Variants in KCTD20 observed in about 807,000 individuals in gnomAD.
The protein encoded by KCTD20 is potassium channel tetramerization domain containing 20.
Under a neutral mutation model 39.6 loss-of-function variants are expected in KCTD20, and 30 were observed. The ratio of observed to expected loss-of-function variants is 0.76; its 90% CI spans 0.57 to 1.03. The LOEUF (loss-of-function observed/expected upper bound fraction) is 1.03. Among genes scored for constraint, KCTD20 ranks in the 50% least tolerant of loss-of-function variants. The pLI is 0.00. For synonymous variants in KCTD20, 162 were observed against 180.6 expected (o/e 0.90, Z 0.83); for missense variants, 422 against 522.0 (o/e 0.81, Z 1.87).
Position 36,474,862 on chromosome 6 carries a change from C to G in KCTD20, c.234C>G (p.Ile78Met). The G allele has an allele frequency of 1.9e-6, 3 of 1,614,172 alleles. No homozygotes were observed. The highest frequency in any genetic ancestry group is 2.5e-6 in the Non-Finnish European group (3 of 1,180,030). The change falls in exon 3 of 8, where the codon ATC becomes ATG. Residue 78 changes from isoleucine to methionine, a missense_variant. Ile to Met is a conservative substitution (Grantham distance 10). Coordinates refer to ENST00000373731, the MANE Select transcript of KCTD20 (RefSeq NM_173562.5). ...FPHIMPLAED[I>M]KGSCFQSGNK... ...ACATAATGCCCCTTGCTGAAGACATCAAAGGTTCTTGCTTCCAAAGTGGGA... is the reference window on the plus strand; with the variant it reads ...ACATAATGCCCCTTGCTGAAGACATGAAAGGTTCTTGCTTCCAAAGTGGGA...
chr6:36,479,370 T>C (rs889133205), intron 4 of KCTD20, 147 bp downstream of exon 4: 1 of 711,000 alleles, frequency 1.4e-6, no homozygotes, highest in African/African-American at 1.8e-5. Context: ...TTCCTGTAAC[T>C]TTTAAGTCCT....
At chr6:36,466,466 C>G (rs903948168) in intron 1 of KCTD20, among the ~76,000 whole-genome samples, 1 of 151,010 alleles carries the variant, frequency 6.6e-6, no homozygotes, top group African/African-American at 2.4e-5. Flanking sequence ...ACTACAGCCT[C>G]GACCTCCTGG....
At chr6:36,452,278 G>A (rs574390116) in intron 1 of KCTD20, among the ~76,000 whole-genome samples, 1 of 152,172 alleles carries the variant, frequency 6.6e-6, no homozygotes, top group African/African-American at 2.4e-5. Flanking sequence ...TTCGTTAAAA[G>A]TGTGGGAAAA....
chr6:36,454,240 A>G (rs1163629183), intron 1 of KCTD20, among the ~76,000 whole-genome samples: 3 of 152,236 alleles, frequency 2.0e-5, no homozygotes, highest in African/African-American at 7.2e-5. Flanking sequence ...TTTGTACACA[A>G]AGTTTTATTA....
intron 7 of KCTD20, 124 bp downstream of exon 7, chr6:36,484,948 A>C: frequency 1.6e-6 from 1 of 609,456 alleles, no homozygotes; most frequent in Non-Finnish European, 3.0e-6. Context: ...ATTCTTACTC[A>C]AGTTTGAATG....
chr6:36,475,705 A>G (rs1488791684), intron 3 of KCTD20, among the ~76,000 whole-genome samples: 2 of 151,950 alleles, frequency 1.3e-5, no homozygotes, highest in African/African-American at 4.8e-5. Flanking sequence ...TTCACAGGTC[A>G]AAGATGTTGG....
At chr6:36,483,118 C>CCCAA (rs1776306061) in intron 6 of KCTD20, among the ~76,000 whole-genome samples, 1 of 108,262 alleles carries the variant, frequency 9.2e-6, no homozygotes. Context: ...GACTCCGTTT[C>CCCAA]AAAAAAAAAA....
chr6:36,463,891 A>G (rs532933245), intron 1 of KCTD20, among the ~76,000 whole-genome samples: 2 of 152,312 alleles, frequency 1.3e-5, no homozygotes, highest in Admixed American at 6.5e-5. Flanking sequence ...ATTGAGAGGG[A>G]AAAAGGGGAA....
chr6:36,468,775 C>T (rs1484291800), intron 1 of KCTD20, among the ~76,000 whole-genome samples: 9 of 152,296 alleles, frequency 5.9e-5, no homozygotes, highest in Admixed American at 2.0e-4. Flanking sequence ...AATACATTCA[C>T]TTTATTCCTT....
At chr6:36,444,256 T>C (rs892145162) in intron 1 of KCTD20, among the ~76,000 whole-genome samples, 11 of 152,226 alleles carry the variant, frequency 7.2e-5, no homozygotes, top group African/African-American at 2.7e-4. Flanking sequence ...ACCTTTAGGC[T>C]GGGCTGGGAA....
chr6:36,479,114 C>T lies in KCTD20; in HGVS notation c.435-7C>T, dbSNP rs1776156933. On this transcript the variant is annotated splice_polypyrimidine_tract_variant and splice_region_variant and intron_variant, in intron 3 of 7. Transcript: ENST00000373731. ...GAAGATAACATTATTGCCTGGATAT[C>T]TTTCAGGATGTTTGGACCAGGAAGA... 1 of 1,575,610 alleles carries T rather than the reference C, an allele frequency of 6.3e-7. No homozygotes were observed. The highest frequency in any genetic ancestry group is 1.7e-5 in the Admixed American group (1 of 59,432).
At chr6:36,464,657 G>A (rs1775690923) in intron 1 of KCTD20, among the ~76,000 whole-genome samples, 1 of 152,040 alleles carries the variant, frequency 6.6e-6, no homozygotes, top group Non-Finnish European at 1.5e-5. Flanking sequence ...GAAATTCTGG[G>A]TGTCACCAGA....
chr6:36,453,274 A>G (rs1775323634), intron 1 of KCTD20, among the ~76,000 whole-genome samples: 1 of 151,112 alleles, frequency 6.6e-6, no homozygotes, highest in South Asian at 2.1e-4. Flanking sequence ...GGCCTCCCAA[A>G]CTGCTGGGAT....
At chr6:36,475,268 A>G (rs1776030439) in intron 3 of KCTD20, among the ~76,000 whole-genome samples, 1 of 152,232 alleles carries the variant, frequency 6.6e-6, no homozygotes, top group Admixed American at 6.5e-5. Context: ...CAACATGGTG[A>G]AACCCTATCT....
chr6:36,445,512 G>A (rs2127423720), intron 1 of KCTD20, among the ~76,000 whole-genome samples: 1 of 152,166 alleles, frequency 6.6e-6, no homozygotes, highest in African/African-American at 2.4e-5. Flanking sequence ...TGATTGTTGT[G>A]TCTTCCTCTG....
chr6:36,483,256 GCTTTTTC>G (rs1776311240), intron 6 of KCTD20, among the ~76,000 whole-genome samples: 2 of 123,048 alleles, frequency 1.6e-5, no homozygotes, highest in Non-Finnish European at 3.3e-5. Context: ...CAAAACAGTG[GCTTTTTC>G]TTTTTTTTTT....
At position 36,481,545 on chromosome 6, in the gene KCTD20, A is replaced by G. The variant is rs377501316; in HGVS notation, c.659-17A>G. The G allele has an allele frequency of 3.9e-5, 62 of 1,589,578 alleles. No homozygotes were observed. Among genetic ancestry groups the G allele is most frequent in the Non-Finnish European group, 5.0e-5 (58 of 1,157,926 alleles). On this transcript the variant is annotated splice_polypyrimidine_tract_variant and intron_variant, in intron 5 of 7. Transcript: ENST00000373731. Reference sequence around the variant, plus strand: ...ATTTAGGCAGAAAGCATGTTCACCTACATTTTCTCTCTGCAGGTGCTTTAC... The same window carrying G: ...ATTTAGGCAGAAAGCATGTTCACCTGCATTTTCTCTCTGCAGGTGCTTTAC...
intron 1 of KCTD20, among the ~76,000 whole-genome samples, chr6:36,463,903 G>A (rs1017075614): frequency 1.3e-5 from 2 of 152,168 alleles, no homozygotes; most frequent in Non-Finnish European, 2.9e-5. Context: ...AAAGGGGAAG[G>A]ACAGAGACTT....
At position 36,472,535 on chromosome 6, in the gene KCTD20, A is replaced by G. The variant is rs569591730; in HGVS notation, c.161-2254A>G. On this transcript the variant is annotated intron_variant, in intron 2 of 7. Transcript: ENST00000373731. ...GAATGGGAGTAATTCAGTTGTATTG[A>G]TAACTTTTTTTTTTTCAAAAAGGGC... is the stretch of plus-strand genomic sequence containing the variant. Among the ~76,000 whole-genome samples the G allele has an allele frequency of 3.5e-5, 5 of 142,502 alleles. No homozygotes were observed. The South Asian group carries it at 8.7e-4, about 25-fold the overall frequency. The allele number at this position is 142,502 out of a possible 152,430, so 93.5% of individuals were successfully genotyped here.
Sources: allele counts gnomAD v4.1 joint callset (sites outside exome capture counted in the v4.1 genomes callset), GRCh38; gene constraint gnomAD v4.1.1; transcripts MANE v1.5; gene names NCBI Gene and HGNC (gene_info 2026-07-23, HGNC 2026-07-21).